PTPRD: variants seen among roughly 807,000 people sequenced by gnomAD.
PTPRD encodes the protein protein tyrosine phosphatase receptor type D, also known as receptor-type tyrosine-protein phosphatase delta.
PTPRD carries 34 observed loss-of-function variants against 214.5 expected under a neutral mutation model. That is an observed-to-expected ratio of 0.16 (90% CI 0.12 to 0.21). PTPRD has a LOEUF of 0.21. Among genes scored for constraint, PTPRD ranks in the 10% least tolerant of loss-of-function variants. PTPRD has a pLI of 1.00. For missense variants in PTPRD, 2,545 were observed against 2,398.7 expected (o/e 1.06, Z -1.27); for synonymous variants, 1,128 against 845.7 (o/e 1.33, Z -5.79).
chr9:10,178,991 T>G (rs954331690), intron 3 of PTPRD, among the ~76,000 whole-genome samples: 2 of 151,816 alleles, frequency 1.3e-5, no homozygotes, highest in African/African-American at 4.8e-5. Context: ...AAAAAATAAA[T>G]GAAATATGAT....
intron 9 of PTPRD, among the ~76,000 whole-genome samples, chr9:9,271,077 C>T (rs973807988): frequency 3.3e-5 from 5 of 151,012 alleles, no homozygotes; most frequent in Non-Finnish European, 7.4e-5. Flanking sequence ...TAAGGAGGAC[C>T]GATTGGGCTA....
chr9:10,284,637 G>T (rs1345094114), intron 3 of PTPRD, among the ~76,000 whole-genome samples: 1 of 152,152 alleles, frequency 6.6e-6, no homozygotes, highest in Non-Finnish European at 1.5e-5. Context: ...CTTTGTTCAG[G>T]TTCTCAAAAG....
intron 5 of PTPRD, among the ~76,000 whole-genome samples, chr9:9,885,376 C>T (rs10491915): frequency 0.056 from 8,519 of 151,968 alleles, 736 homozygotes; most frequent in African/African-American, 0.19. Flanking sequence ...GAATCTTTAA[C>T]CTACACAAAA....
intron 3 of PTPRD, among the ~76,000 whole-genome samples, chr9:10,320,039 C>A (rs1321875630): frequency 6.6e-6 from 1 of 152,026 alleles, no homozygotes; most frequent in Non-Finnish European, 1.5e-5. Flanking sequence ...TTTAGTGGAT[C>A]AGTAAGTAGC....
chr9:9,901,721 A>G (rs1402670033), intron 5 of PTPRD, among the ~76,000 whole-genome samples: 1 of 152,154 alleles, frequency 6.6e-6, no homozygotes, highest in East Asian at 1.9e-4. Flanking sequence ...TTTACAAAGA[A>G]AAGAGGTTTA....
chr9:9,918,142 C>T (rs1399573543), intron 5 of PTPRD, among the ~76,000 whole-genome samples: 1 of 151,664 alleles, frequency 6.6e-6, no homozygotes, highest in South Asian at 2.1e-4. Flanking sequence ...TGATTTTGTA[C>T]ATAGAAAAAT....
At chr9:9,915,819 A>T (rs1426249776) in intron 5 of PTPRD, among the ~76,000 whole-genome samples, 2 of 152,106 alleles carry the variant, frequency 1.3e-5, no homozygotes, top group African/African-American at 2.4e-5. Flanking sequence ...ATGATAGCAG[A>T]AAACATCTTG....
intron 2 of PTPRD, among the ~76,000 whole-genome samples, chr9:10,412,739 A>G (rs1333053794): frequency 2.0e-5 from 3 of 151,720 alleles, no homozygotes; most frequent in Admixed American, 1.3e-4. Context: ...GAATCCAGCA[A>G]CACATCAAAA....
At chr9:9,365,108 T>C (rs922095277) in intron 9 of PTPRD, among the ~76,000 whole-genome samples, 2 of 151,414 alleles carry the variant, frequency 1.3e-5, no homozygotes, top group Non-Finnish European at 3.0e-5. Flanking sequence ...CTGAGTAATA[T>C]GTGCTGGGGC....
chr9:8,498,892 T>C (rs1302150140), intron 25 of PTPRD, among the ~76,000 whole-genome samples: 2 of 152,176 alleles, frequency 1.3e-5, no homozygotes, highest in African/African-American at 2.4e-5. Context: ...ACCTCTAATT[T>C]ATGAAAAATT....
chr9:10,130,902 C>A (rs1245827423), intron 3 of PTPRD, among the ~76,000 whole-genome samples: 1 of 151,986 alleles, frequency 6.6e-6, no homozygotes, highest in Non-Finnish European at 1.5e-5. Flanking sequence ...AAGAAATGTG[C>A]AAAGTAGTTC....
At chr9:8,821,437 A>C (rs2097060550) in intron 11 of PTPRD, among the ~76,000 whole-genome samples, 1 of 152,156 alleles carries the variant, frequency 6.6e-6, no homozygotes, top group African/African-American at 2.4e-5. Flanking sequence ...AATTCAAGGT[A>C]ACTTCTACTG....
intron 11 of PTPRD, chr9:8,958,655 G>A (rs957466035): frequency 6.6e-6 from 1 of 151,920 alleles, no homozygotes; most frequent in African/African-American, 2.4e-5. Context: ...AGCCAATAAG[G>A]TACAGAAGGA....
chr9:8,500,788 C>T lies in PTPRD; in HGVS notation c.2094G>A (p.Glu698=). 6.2e-7 allele frequency: 1 copy of T among 1,614,128 alleles called. No homozygotes were observed. Among genetic ancestry groups the T allele is most frequent in the South Asian group, 1.1e-5 (1 of 91,080 alleles). ...TAHTDVGPGP[E]SLSVLIRTNE... Reference sequence around the variant, plus strand: ...TGGTTCGAATCAACACGGACAAGCTCTCAGGGCCAGGGCCGACATCTGTAT... The same window carrying T: ...TGGTTCGAATCAACACGGACAAGCTTTCAGGGCCAGGGCCGACATCTGTAT... Residue 698 remains glutamate (E), a synonymous_variant, in exon 24 of 46, where the codon GAG becomes GAA. Transcript: ENST00000381196.
chr9:9,924,857 G>A (rs1248318769), intron 5 of PTPRD, among the ~76,000 whole-genome samples: 2 of 152,078 alleles, frequency 1.3e-5, no homozygotes, highest in Admixed American at 1.3e-4. Context: ...TTTGTTGCTA[G>A]TAATGTTAGA....
intron 10 of PTPRD, among the ~76,000 whole-genome samples, chr9:9,056,568 T>A (rs982198635): frequency 6.6e-6 from 1 of 152,370 alleles, no homozygotes; most frequent in Admixed American, 6.5e-5. Context: ...ATGGTAAATT[T>A]GTGCCAATGA....
At chr9:8,725,779 G>C (rs1400167714) in intron 12 of PTPRD, among the ~76,000 whole-genome samples, 2 of 152,124 alleles carry the variant, frequency 1.3e-5, no homozygotes, top group Non-Finnish European at 2.9e-5. Flanking sequence ...TACCCTGTCT[G>C]TGGTCAGAGT....
At chr9:9,336,824 A>G (rs1030639514) in intron 9 of PTPRD, among the ~76,000 whole-genome samples, 1 of 152,124 alleles carries the variant, frequency 6.6e-6, no homozygotes, top group African/African-American at 2.4e-5. Flanking sequence ...ATTTGACTTT[A>G]AGTCTCATCT....
chr9:8,549,564 C>A (rs1271734970), intron 14 of PTPRD, among the ~76,000 whole-genome samples: 1 of 152,026 alleles, frequency 6.6e-6, no homozygotes, highest in African/African-American at 2.4e-5. Context: ...GGGATAAGAA[C>A]AATTATATTA....
Sources: gnomAD v4.1 joint callset for allele counts (sites outside exome capture counted in the v4.1 genomes callset) on GRCh38, gnomAD v4.1.1 for gene constraint, MANE v1.5 for transcripts, NCBI Gene and HGNC (gene_info 2026-07-23, HGNC 2026-07-21) for gene names.